Variants in ITFG1 observed in about 807,000 individuals in gnomAD.
The protein encoded by ITFG1 is integrin alpha FG-GAP repeat containing 1.
Under a neutral mutation model 81.8 loss-of-function variants are expected in ITFG1, and 34 were observed. The observed-to-expected ratio is 0.42, with a 90% confidence interval of 0.32 to 0.55. The LOEUF (loss-of-function observed/expected upper bound fraction) is 0.55. Among genes scored for constraint, ITFG1 ranks in the 20% least tolerant of loss-of-function variants. The probability of loss-of-function intolerance (pLI) is 0.17; values close to 1 mark genes in which losing one functional copy is unlikely to be tolerated. For missense variants in ITFG1, 672 were observed against 755.4 expected, an observed-to-expected ratio of 0.89 and a Z score of 1.29; for synonymous variants, 285 against 270.6, an observed-to-expected ratio of 1.05 and a Z score of -0.52.
intron 10 of ITFG1, among the ~76,000 whole-genome samples, chr16:47,282,877 T>C (rs1258228993): frequency 6.6e-6 from 1 of 152,192 alleles, no homozygotes; most frequent in African/African-American, 2.4e-5. Flanking sequence ...CAGTCACTTG[T>C]ATGTCTTTGT....
chr16:47,303,413 A>G (rs1327435414), intron 10 of ITFG1, among the ~76,000 whole-genome samples: 1 of 152,210 alleles, frequency 6.6e-6, no homozygotes, highest in Non-Finnish European at 1.5e-5. Flanking sequence ...TCTTGCTACC[A>G]AAGACTTATT....
At chr16:47,302,502 C>T (rs999053706) in intron 10 of ITFG1, among the ~76,000 whole-genome samples, 5 of 152,294 alleles carry the variant, frequency 3.3e-5, no homozygotes, top group Admixed American at 3.3e-4. Context: ...ACCTCCTCTG[C>T]CTGGGCTCCC....
At chr16:47,352,424 A>G (rs558251023) in intron 8 of ITFG1, among the ~76,000 whole-genome samples, 3 of 152,366 alleles carry the variant, frequency 2.0e-5, no homozygotes, top group African/African-American at 7.2e-5. Context: ...TTCTCAAAAG[A>G]AGACATTTAT....
intron 6 of ITFG1, among the ~76,000 whole-genome samples, chr16:47,394,635 G>GA (rs923650896): frequency 4.0e-4 from 57 of 142,108 alleles, no homozygotes; most frequent in African/African-American, 5.1e-4. Flanking sequence ...AATCTAAATG[G>GA]AAAAAAAAAA....
intron 5 of ITFG1, among the ~76,000 whole-genome samples, chr16:47,431,849 T>C (rs1192823566): frequency 6.6e-6 from 1 of 152,208 alleles, no homozygotes; most frequent in Non-Finnish European, 1.5e-5. Flanking sequence ...AGTACTTCTA[T>C]CAACTATAGA....
At chr16:47,236,902 C>A (rs1318498441) in intron 13 of ITFG1, among the ~76,000 whole-genome samples, 1 of 152,198 alleles carries the variant, frequency 6.6e-6, no homozygotes, top group Non-Finnish European at 1.5e-5. Context: ...AGGGTTCCTA[C>A]CTGGAGATTG....
At chr16:47,214,921 A>AACACAC (rs57114470) in intron 14 of ITFG1, among the ~76,000 whole-genome samples, 205 of 145,142 alleles carry the variant, frequency 1.4e-3, no homozygotes, top group Non-Finnish European at 2.0e-3. Context: ...CCAGTGTGAA[A>AACACAC]ACACACACAC....
At position 47,387,834 on chromosome 16, in the gene ITFG1, C is replaced by A. The variant is rs142242930; in HGVS notation, c.656-11894G>T. ...GAAACAGGAAAGTATAATCCATATA[C>A]AAGAAAACAGAAAACCAAAAACCTG... On this transcript the variant is annotated intron_variant, in intron 6 of 17. Transcript: ENST00000320640. Among the ~76,000 whole-genome samples the A allele has an allele frequency of 8.6e-5, 13 of 151,488 alleles. No individual in the cohort carries two copies. In the East Asian group the frequency reaches 2.1e-3, roughly 25 times the overall value.
chr16:47,220,202 C>T (rs1027435766), intron 13 of ITFG1, among the ~76,000 whole-genome samples: 17 of 152,192 alleles, frequency 1.1e-4, no homozygotes, highest in Non-Finnish European at 2.5e-4. Context: ...TGATCCAGTT[C>T]CTCTACACAG....
In ITFG1 at chr16:47,443,438, T is replaced by C. The variant is rs1019023111; in HGVS notation, c.560+7958A>G. Among the ~76,000 whole-genome samples, 4 of 152,212 alleles carry C rather than the reference T, an allele frequency of 2.6e-5. No individual in the cohort carries two copies. The East Asian group carries it at 7.7e-4, about 29-fold the overall frequency. ...ATTATAAATCATGCTGCTATAAAGA[T>C]ACATGCACACGTATGTTTATTGCGA... On this transcript the variant is annotated intron_variant, in intron 5 of 17. Transcript: ENST00000320640.
intron 8 of ITFG1, chr16:47,365,547 T>C (rs1968165519): frequency 2.5e-6 from 1 of 393,636 alleles, no homozygotes; most frequent in Admixed American, 4.0e-5. Flanking sequence ...TTGTTTTGCA[T>C]ATTACTTCTG....
chr16:47,406,940 T>C (rs565610838), intron 6 of ITFG1, among the ~76,000 whole-genome samples: 36 of 152,130 alleles, frequency 2.4e-4, no homozygotes, highest in Non-Finnish European at 4.0e-4. Flanking sequence ...AGTCCTAAGG[T>C]TGGACCTTGT....
At chr16:47,328,578 A>G (rs879894028) in intron 8 of ITFG1, among the ~76,000 whole-genome samples, 2 of 152,158 alleles carry the variant, frequency 1.3e-5, no homozygotes, top group Admixed American at 6.6e-5. Context: ...GTGTTAAAAC[A>G]GAAGAAAAAT....
chr16:47,170,000 A>C (rs1267822820), intron 14 of ITFG1, among the ~76,000 whole-genome samples: 2 of 152,198 alleles, frequency 1.3e-5, no homozygotes, highest in African/African-American at 4.8e-5. Context: ...TGACTGTCTT[A>C]AGTTGAACAA....
At chr16:47,453,881 A>C in intron 3 of ITFG1, 132 bp downstream of exon 3, 1 of 649,334 alleles carries the variant, frequency 1.5e-6, no homozygotes, top group East Asian at 2.8e-5. Context: ...ATCAGGAAAT[A>C]AACTTTGAAA....
At chr16:47,158,846 A>G (rs16952886) in intron 17 of ITFG1, 27 bp downstream of exon 17, 71,122 of 1,284,348 alleles carry the variant, frequency 0.055, 4,852 homozygotes, top group African/African-American at 0.33. Flanking sequence ...ATTAACCAAA[A>G]TTAATGCTTC....
At chr16:47,224,930 T>C (rs865960162) in intron 13 of ITFG1, among the ~76,000 whole-genome samples, 3 of 151,722 alleles carry the variant, frequency 2.0e-5, no homozygotes, top group Admixed American at 1.3e-4. Context: ...GCCTGGGAGG[T>C]TGAGGCTGTA....
chr16:47,294,077 G>C (rs1966949786), intron 10 of ITFG1, among the ~76,000 whole-genome samples: 1 of 151,980 alleles, frequency 6.6e-6, no homozygotes, highest in African/African-American at 2.4e-5. Flanking sequence ...TCATTATTCT[G>C]TATATGGCTG....
chr16:47,218,813 TA>T, intron 14 of ITFG1, 54 bp downstream of exon 14: 1 of 1,063,274 alleles, frequency 9.4e-7, no homozygotes, highest in Non-Finnish European at 1.4e-6. Flanking sequence ...TTTACCTTGC[TA>T]ATATATTGAC....
Sources: allele counts gnomAD v4.1 joint callset (sites outside exome capture counted in the v4.1 genomes callset), GRCh38; gene constraint gnomAD v4.1.1; transcripts MANE v1.5; gene names NCBI Gene and HGNC (gene_info 2026-07-23, HGNC 2026-07-21).